The following BBS9 variants were observed in gnomAD, a reference collection of about 807,000 sequenced individuals.
BBS9 encodes the protein protein PTHB1.
Under a neutral mutation model 117.7 loss-of-function variants are expected in BBS9, and 89 were observed. The observed-to-expected ratio is 0.76, with a 90% CI of 0.64 to 0.90. BBS9 has a LOEUF of 0.90. BBS9 is among the 40% of genes least tolerant of loss of function. The pLI is 0.00. For missense variants in BBS9, 982 were observed against 1,042.2 expected, an observed-to-expected ratio of 0.94 and a Z score of 0.80; for synonymous variants, 379 against 370.9, an observed-to-expected ratio of 1.02 and a Z score of -0.25.
intron 5 of BBS9, among the ~76,000 whole-genome samples, chr7:33,235,476 TA>T (rs1793304562): frequency 2.6e-5 from 4 of 152,156 alleles, no homozygotes; most frequent in Admixed American, 1.3e-4. Context: ...GCCTCAGAAT[TA>T]AAAAAAGCTG....
intron 9 of BBS9, among the ~76,000 whole-genome samples, chr7:33,285,278 T>C (rs1198438413): frequency 6.6e-6 from 1 of 152,142 alleles, no homozygotes; most frequent in African/African-American, 2.4e-5. Flanking sequence ...AAATGTTAGG[T>C]AGAGTGACAG....
intron 20 of BBS9, among the ~76,000 whole-genome samples, chr7:33,532,637 C>G (rs1424055859): frequency 3.9e-5 from 6 of 152,082 alleles, no homozygotes; most frequent in Non-Finnish European, 7.4e-5. Context: ...CCCACTGGGT[C>G]CCTCCCATGA....
chr7:33,527,857 C>G (rs945536029), intron 20 of BBS9, among the ~76,000 whole-genome samples: 2 of 152,190 alleles, frequency 1.3e-5, no homozygotes, highest in African/African-American at 4.8e-5. Flanking sequence ...TGATTACAGT[C>G]AAGCAAATAA....
chr7:33,479,571 A>C (rs760233897), intron 19 of BBS9, among the ~76,000 whole-genome samples: 4 of 152,190 alleles, frequency 2.6e-5, no homozygotes, highest in Non-Finnish European at 4.4e-5. Flanking sequence ...TGCAGTGAAT[A>C]TATGGGTAAA....
chr7:33,596,299 C>CACACACACACACACACACAT (rs1491153351), intron 21 of BBS9, among the ~76,000 whole-genome samples: 21 of 143,512 alleles, frequency 1.5e-4, no homozygotes, highest in African/African-American at 4.7e-4. Flanking sequence ...CACACACACA[C>CACACACACACACACACACAT]TTATATATGT....
intron 20 of BBS9, among the ~76,000 whole-genome samples, chr7:33,528,827 C>T (rs1001024720): frequency 4.6e-5 from 7 of 152,216 alleles, no homozygotes; most frequent in African/African-American, 1.7e-4. Flanking sequence ...TGTTTTGATT[C>T]ACAGGTGGCA....
At chr7:33,522,565 A>T (rs1310807327) in intron 20 of BBS9, among the ~76,000 whole-genome samples, 9 of 152,040 alleles carry the variant, frequency 5.9e-5, no homozygotes, top group Non-Finnish European at 1.2e-4. Flanking sequence ...GTGTCTGTTC[A>T]TGTCCTTTGC....
intron 5 of BBS9, among the ~76,000 whole-genome samples, chr7:33,229,838 A>G (rs1053377564): frequency 7.9e-5 from 12 of 152,184 alleles, no homozygotes; most frequent in Admixed American, 7.2e-4. Context: ...CCTCCATCCT[A>G]TTTTCCATAA....
At chr7:33,474,487 A>G (rs945935189) in intron 19 of BBS9, among the ~76,000 whole-genome samples, 1 of 152,108 alleles carries the variant, frequency 6.6e-6, no homozygotes, top group African/African-American at 2.4e-5. Context: ...GGTTCTTTCC[A>G]TGTCTCACTT....
chr7:33,230,540 C>A (rs1792161179), intron 5 of BBS9, among the ~76,000 whole-genome samples: 1 of 152,120 alleles, frequency 6.6e-6, no homozygotes, highest in Non-Finnish European at 1.5e-5. Flanking sequence ...CACATTGCAC[C>A]CAACAGGTAG....
chr7:33,208,928 G>A (rs1253163049), intron 5 of BBS9, among the ~76,000 whole-genome samples: 1 of 151,982 alleles, frequency 6.6e-6, no homozygotes, highest in Admixed American at 6.5e-5. Flanking sequence ...CTCACCTCAA[G>A]CATTTATCCT....
intron 5 of BBS9, among the ~76,000 whole-genome samples, chr7:33,225,143 C>A (rs1790992016): frequency 6.6e-6 from 1 of 152,124 alleles, no homozygotes; most frequent in African/African-American, 2.4e-5. Context: ...TTATAATAAA[C>A]TAATGGATTT....
At chr7:33,477,180 A>G (rs1841915359) in intron 19 of BBS9, among the ~76,000 whole-genome samples, 1 of 152,220 alleles carries the variant, frequency 6.6e-6, no homozygotes. Flanking sequence ...GATTAAGGGA[A>G]TAATACACTA....
In BBS9 at chr7:33,214,721, G is replaced by T. The variant is rs193028587; in HGVS notation, c.442+37130G>T. Among the ~76,000 whole-genome samples the T allele has an allele frequency of 7.0e-4, 106 of 151,918 alleles. 1 individual carries two copies. The South Asian group carries it at 0.014, about 20-fold the overall frequency. The stretch of plus-strand genomic sequence containing the variant: ...AGAGGCCACACACACAAAACAGAAA[G>T]ATATTCCATGCTTATAGATGGGGAT... On this transcript the variant is annotated intron_variant, in intron 5 of 22. Transcript: ENST00000242067.
chr7:33,566,040 T>A (rs1367493895), intron 21 of BBS9, among the ~76,000 whole-genome samples: 2 of 150,924 alleles, frequency 1.3e-5, no homozygotes, highest in Non-Finnish European at 3.0e-5. Flanking sequence ...TGGACCAGTT[T>A]TATCTACAAA....
chr7:33,245,392 T>C (rs760139135), intron 5 of BBS9, among the ~76,000 whole-genome samples: 1 of 152,164 alleles, frequency 6.6e-6, no homozygotes, highest in South Asian at 2.1e-4. Flanking sequence ...TTTGACTTAG[T>C]TCTAACTCTG....
intron 21 of BBS9, among the ~76,000 whole-genome samples, chr7:33,550,261 A>C (rs1366089588): frequency 6.6e-6 from 1 of 152,146 alleles, no homozygotes; most frequent in Non-Finnish European, 1.5e-5. Flanking sequence ...TAAATTTGTG[A>C]ATATTATTAA....
intron 15 of BBS9, among the ~76,000 whole-genome samples, chr7:33,355,781 C>T (rs1347322232): frequency 6.6e-6 from 1 of 151,878 alleles, no homozygotes; most frequent in Non-Finnish European, 1.5e-5. Context: ...TTTCTGAAAA[C>T]ATATACACTA....
At chr7:33,247,744 T>C (rs1795578982) in intron 5 of BBS9, among the ~76,000 whole-genome samples, 1 of 152,170 alleles carries the variant, frequency 6.6e-6, no homozygotes, top group African/African-American at 2.4e-5. Flanking sequence ...GTGCATGGAA[T>C]TTGTTGAATG....
Sources: gnomAD v4.1 joint callset for allele counts (sites outside exome capture counted in the v4.1 genomes callset) on GRCh38, gnomAD v4.1.1 for gene constraint, MANE v1.5 for transcripts, NCBI Gene and HGNC (gene_info 2026-07-23, HGNC 2026-07-21) for gene names.